The following CHD9NB variants were observed in gnomAD, a reference collection of about 807,000 sequenced individuals.
CHD9NB encodes CHD9 neighbor, also known as CHD9 neighbor protein.
the CHD9NB span, among the ~76,000 whole-genome samples, chr16:53,047,845 C>A: frequency 1.3e-5 from 2 of 151,782 alleles, no homozygotes; most frequent in Non-Finnish European, 2.9e-5. Context: ...TAAAAATACA[C>A]AAATTAGCCA....
At chr16:53,042,050 T>C in the CHD9NB span, among the ~76,000 whole-genome samples, 1 of 152,178 alleles carries the variant, frequency 6.6e-6, no homozygotes, top group South Asian at 2.1e-4. Context: ...TCCTTCCTTA[T>C]TTTTTCCTCA....
the CHD9NB span, among the ~76,000 whole-genome samples, chr16:53,042,294 C>T: frequency 6.7e-6 from 1 of 148,656 alleles, no homozygotes; most frequent in African/African-American, 2.5e-5. Flanking sequence ...TCCTTTCTCT[C>T]CCTTCCTCCC....
chr16:53,049,975 G>A, the CHD9NB span, among the ~76,000 whole-genome samples: 1 of 152,106 alleles, frequency 6.6e-6, no homozygotes, highest in Non-Finnish European at 1.5e-5. Flanking sequence ...AGGCCGAGGT[G>A]GGCGGATCAC....
the CHD9NB span, among the ~76,000 whole-genome samples, chr16:53,045,242 A>C: frequency 1.3e-3 from 194 of 152,320 alleles, no homozygotes; most frequent in African/African-American, 4.4e-3. Flanking sequence ...GATTACAGGT[A>C]TAAGCCATCC....
the CHD9NB span, among the ~76,000 whole-genome samples, chr16:53,046,334 G>T: frequency 6.6e-6 from 1 of 152,176 alleles, no homozygotes; most frequent in Admixed American, 6.5e-5. Flanking sequence ...TTAGAGGCAA[G>T]GTCCATGGGA....
At chr16:53,042,564 C>T in the CHD9NB span, among the ~76,000 whole-genome samples, 1 of 149,530 alleles carries the variant, frequency 6.7e-6, no homozygotes, top group Admixed American at 6.7e-5. Context: ...CCTTCTCCCA[C>T]TTCCCTCTCC....
At chr16:53,045,326 T>C in the CHD9NB span, among the ~76,000 whole-genome samples, 1 of 152,220 alleles carries the variant, frequency 6.6e-6, no homozygotes, top group Non-Finnish European at 1.5e-5. Context: ...CCATGACAGA[T>C]GTTATCCACT....
the CHD9NB span, among the ~76,000 whole-genome samples, chr16:53,041,878 C>G: frequency 6.6e-6 from 1 of 152,170 alleles, no homozygotes; most frequent in Non-Finnish European, 1.5e-5. Flanking sequence ...GCTGCAAGCC[C>G]AGGCCTGTTT....
chr16:53,036,977 C>A, the CHD9NB span, among the ~76,000 whole-genome samples: 199 of 152,132 alleles, frequency 1.3e-3, no homozygotes, highest in Non-Finnish European at 2.3e-3. Context: ...TGCTCTGTCA[C>A]CAGGCTGGAA....
the CHD9NB span, among the ~76,000 whole-genome samples, chr16:53,037,981 A>G: frequency 6.6e-6 from 1 of 152,230 alleles, no homozygotes; most frequent in South Asian, 2.1e-4. Flanking sequence ...GTCCCATGTT[A>G]TGCCATTGGT....
the CHD9NB span, among the ~76,000 whole-genome samples, chr16:53,040,346 T>C: frequency 6.6e-6 from 1 of 152,112 alleles, no homozygotes; most frequent in South Asian, 2.1e-4. Context: ...AGTGCTGGGA[T>C]TACAGGTGTA....
chr16:53,038,299 CA>C, the CHD9NB span, among the ~76,000 whole-genome samples: 1 of 152,146 alleles, frequency 6.6e-6, no homozygotes, highest in East Asian at 1.9e-4. Flanking sequence ...AATGTTTTAC[CA>C]GCTATCTGGG....
At chr16:53,039,569 AC>A in the CHD9NB span, among the ~76,000 whole-genome samples, 1 of 151,976 alleles carries the variant, frequency 6.6e-6, no homozygotes, top group Non-Finnish European at 1.5e-5. Flanking sequence ...ACAAGGCAAA[AC>A]CCCGTCTCTA....
chr16:53,038,682 C>G, the CHD9NB span, among the ~76,000 whole-genome samples: 1 of 152,042 alleles, frequency 6.6e-6, no homozygotes, highest in South Asian at 2.1e-4. Context: ...CACACCCCCC[C>G]TGCACCCCCT....
At chr16:53,038,973 C>G in the CHD9NB span, among the ~76,000 whole-genome samples, 2 of 152,130 alleles carry the variant, frequency 1.3e-5, no homozygotes, top group Non-Finnish European at 2.9e-5. Flanking sequence ...CTCAACACCC[C>G]TAAAACTCAA....
At chr16:53,049,396 G>A in the CHD9NB span, among the ~76,000 whole-genome samples, 1 of 151,218 alleles carries the variant, frequency 6.6e-6, no homozygotes, top group Non-Finnish European at 1.5e-5. Context: ...GGCTGGTCTC[G>A]AACTCCTGGC....
At chr16:53,044,030 C>T in the CHD9NB span, 1 of 398,758 alleles carries the variant, frequency 2.5e-6, no homozygotes, top group African/African-American at 2.1e-5. Flanking sequence ...TTCCATCCTT[C>T]AGCGGGGCAT....
At chr16:53,043,431 A>T in the CHD9NB span, 1 of 152,150 alleles carries the variant, frequency 6.6e-6, no homozygotes, top group Non-Finnish European at 1.5e-5. Context: ...TCCCAGTGGG[A>T]TCCTGATATT....
the CHD9NB span, among the ~76,000 whole-genome samples, chr16:53,041,583 G>GT: frequency 6.6e-6 from 1 of 152,060 alleles, no homozygotes; most frequent in South Asian, 2.1e-4. Flanking sequence ...CTTTGATTTG[G>GT]TAAAAAGCTG....
Sources: allele counts gnomAD v4.1 joint callset (sites outside exome capture counted in the v4.1 genomes callset), GRCh38; gene constraint gnomAD v4.1.1; transcripts MANE v1.5; gene names NCBI Gene and HGNC (gene_info 2026-07-23, HGNC 2026-07-21).